TXNDC16: variants seen among roughly 807,000 people sequenced by gnomAD.
The protein encoded by TXNDC16 is thioredoxin domain-containing protein 16.
Under a neutral mutation model 85.6 loss-of-function variants are expected in TXNDC16, and 74 were observed. The observed-to-expected ratio is 0.86, with a 90% CI of 0.72 to 1.05. TXNDC16 has a LOEUF of 1.05. Among genes scored for constraint, TXNDC16 ranks in the 50% least tolerant of loss-of-function variants. The pLI, the probability that TXNDC16 is intolerant of heterozygous loss-of-function variation, is 0.00. For synonymous variants in TXNDC16, 335 were observed against 326.5 expected (o/e 1.03, Z -0.28); for missense variants, 959 against 947.0 (o/e 1.01, Z -0.17).
At chr14:52,462,412 T>G (rs2035673645) in intron 16 of TXNDC16, among the ~76,000 whole-genome samples, 1 of 152,216 alleles carries the variant, frequency 6.6e-6, no homozygotes, top group South Asian at 2.1e-4. Flanking sequence ...CCTCCTGGGT[T>G]GAAGCAATTC....
chr14:52,542,356 T>C lies in TXNDC16; in HGVS notation c.243+15A>G. The C allele has an allele frequency of 1.9e-6, 3 of 1,567,884 alleles. No homozygotes were observed. Among genetic ancestry groups the C allele is most frequent in the Non-Finnish European group, 2.6e-6 (3 of 1,146,086 alleles). On this transcript the variant is annotated intron_variant, in intron 4 of 20. Coordinates refer to ENST00000281741, the MANE Select transcript of TXNDC16 (RefSeq NM_020784.3). ...GTTCGTCACTAATATTTTAGTAACA[T>C]AAATATCTTTCTACCTTGGCAACTG...
intron 20 of TXNDC16, among the ~76,000 whole-genome samples, chr14:52,435,252 G>C (rs918574523): frequency 1.7e-4 from 20 of 114,404 alleles, no homozygotes; most frequent in Non-Finnish European, 3.0e-4. Flanking sequence ...GAACATGTCT[G>C]CTTTTTTTTT....
chr14:52,517,749 T>G (rs145572962), intron 7 of TXNDC16, among the ~76,000 whole-genome samples: 3 of 152,276 alleles, frequency 2.0e-5, no homozygotes, highest in African/African-American at 7.2e-5. Context: ...CTACCACATC[T>G]TTCTCGTTAA....
chr14:52,493,398 G>C (rs527295684), intron 9 of TXNDC16, among the ~76,000 whole-genome samples: 156 of 151,962 alleles, frequency 1.0e-3, no homozygotes, highest in Non-Finnish European at 2.1e-3. Flanking sequence ...ATAACATAGA[G>C]AAAATACAGA....
chr14:52,509,607 T>G (rs112079557), intron 9 of TXNDC16, among the ~76,000 whole-genome samples: 2 of 151,540 alleles, frequency 1.3e-5, no homozygotes, highest in African/African-American at 4.9e-5. Context: ...CAAACCTGCA[T>G]GTTGTGCACA....
chr14:52,470,072 G>A lies in TXNDC16; in HGVS notation c.1583C>T (p.Ser528Leu). Residue 528 changes from serine to leucine, a missense_variant, in exon 16 of 21, where the codon TCA becomes TTA. Physicochemically the swap from Ser to Leu is moderately radical, Grantham distance 145. Transcript: ENST00000281741. ...GGTTGGACTAAATAGTCCCAATACT[G>A]ACACACTAGAATACAAGATGAGGTC... ...YKDLILYSSV[S>L]VLGLFSPTMK... 6.2e-7 allele frequency: 1 copy of A among 1,610,930 alleles called. No homozygotes were observed. Among genetic ancestry groups the A allele is most frequent in the Non-Finnish European group, 8.5e-7 (1 of 1,178,640 alleles).
chr14:52,499,312 T>C (rs1335852831), intron 9 of TXNDC16, among the ~76,000 whole-genome samples: 2 of 151,808 alleles, frequency 1.3e-5, no homozygotes, highest in South Asian at 2.1e-4. Context: ...AAAGCAAAAA[T>C]AGACAAACTA....
intron 6 of TXNDC16, among the ~76,000 whole-genome samples, chr14:52,520,402 T>G (rs917307221): frequency 3.8e-4 from 58 of 152,194 alleles, no homozygotes; most frequent in Middle Eastern, 3.4e-3. Context: ...GGCGGGCGGA[T>G]CACGAGGTCA....
At position 52,482,853 on chromosome 14, in the gene TXNDC16, A is replaced by C; in HGVS notation, c.1221T>G (p.Ala407=). 1 of 1,612,136 alleles carries C rather than the reference A, an allele frequency of 6.2e-7. No homozygotes were observed. The highest frequency in any genetic ancestry group is 1.1e-5 in the South Asian group (1 of 90,952). ...CATAGAAGAGTACTATGCTGTCAGA[A>C]GCCATCACTGTTGCATTAAATGTTT... The part of the protein sequence containing the change: ...TEETFNATVM[A]SDSIVLFYAG... Residue 407 remains alanine (A), a synonymous_variant, in exon 13 of 21, where the codon GCT becomes GCG. Coordinates refer to ENST00000281741, the MANE Select transcript of TXNDC16 (RefSeq NM_020784.3).
At chr14:52,540,699 T>C (rs1175232505) in intron 4 of TXNDC16, among the ~76,000 whole-genome samples, 1 of 152,228 alleles carries the variant, frequency 6.6e-6, no homozygotes, top group Non-Finnish European at 1.5e-5. Context: ...GTTCTGCTAG[T>C]TATTAAAATG....
intron 1 of TXNDC16, among the ~76,000 whole-genome samples, chr14:52,549,340 A>G (rs1291539078): frequency 6.6e-6 from 1 of 152,238 alleles, no homozygotes. Context: ...GGGTAACAGC[A>G]CTGTAAGAAT....
intron 9 of TXNDC16, among the ~76,000 whole-genome samples, chr14:52,506,137 C>T (rs895321480): frequency 6.6e-6 from 1 of 152,138 alleles, no homozygotes; most frequent in Non-Finnish European, 1.5e-5. Context: ...CCGAATTCTA[C>T]CAGAGGTACA....
chr14:52,450,018 C>T (rs1217910245), intron 18 of TXNDC16, among the ~76,000 whole-genome samples: 1 of 151,872 alleles, frequency 6.6e-6, no homozygotes, highest in Non-Finnish European at 1.5e-5. Flanking sequence ...CCCAATGATA[C>T]ACCTAAAGAA....
chr14:52,528,636 A>G (rs2140205841), intron 6 of TXNDC16, among the ~76,000 whole-genome samples: 1 of 151,340 alleles, frequency 6.6e-6, no homozygotes, highest in Admixed American at 6.6e-5. Context: ...AAGAATATAA[A>G]TACAAAAAAA....
chr14:52,526,281 T>G (rs1455684161), intron 6 of TXNDC16, among the ~76,000 whole-genome samples: 4 of 152,192 alleles, frequency 2.6e-5, no homozygotes, highest in Non-Finnish European at 5.9e-5. Flanking sequence ...TGGTAATACT[T>G]TTACAGGGTT....
intron 2 of TXNDC16, 111 bp downstream of exon 2, chr14:52,544,153 T>A (rs1388993785): frequency 6.6e-6 from 1 of 152,190 alleles, no homozygotes; most frequent in East Asian, 1.9e-4. Flanking sequence ...TTCTCTATAC[T>A]GCTTAAAAAT....
At chr14:52,473,740 A>G (rs1280605060) in intron 14 of TXNDC16, among the ~76,000 whole-genome samples, 1 of 152,230 alleles carries the variant, frequency 6.6e-6, no homozygotes, top group Non-Finnish European at 1.5e-5. Context: ...TCTTAGATAC[A>G]GGTATTATGT....
chr14:52,495,923 G>T (rs1054976153), intron 9 of TXNDC16, among the ~76,000 whole-genome samples: 4 of 152,230 alleles, frequency 2.6e-5, no homozygotes, highest in African/African-American at 9.6e-5. Context: ...ACTTTGGGAG[G>T]CTGAGGCAGG....
At chr14:52,478,439 C>T (rs1468019834) in intron 14 of TXNDC16, among the ~76,000 whole-genome samples, 1 of 151,978 alleles carries the variant, frequency 6.6e-6, no homozygotes. Context: ...GCAAGATTAA[C>T]CAAGAAAAGA....
Sources: gnomAD v4.1 joint callset for allele counts (sites outside exome capture counted in the v4.1 genomes callset) on GRCh38, gnomAD v4.1.1 for gene constraint, MANE v1.5 for transcripts, NCBI Gene and HGNC (gene_info 2026-07-23, HGNC 2026-07-21) for gene names.